The following RAPGEF4 variants were observed in gnomAD, a reference collection of about 807,000 sequenced individuals.
The protein encoded by RAPGEF4 is Rap guanine nucleotide exchange factor 4.
RAPGEF4 carries 66 observed loss-of-function variants against 147.9 expected under a neutral mutation model. The ratio of observed to expected loss-of-function variants is 0.45; its 90% confidence interval spans 0.37 to 0.55. The LOEUF (loss-of-function observed/expected upper bound fraction) is 0.55, where lower values mean the gene tolerates loss of function less well. Among genes scored for constraint, RAPGEF4 ranks in the 20% least tolerant of loss-of-function variants. The probability of loss-of-function intolerance (pLI) is 0.00; values close to 1 mark genes in which losing one functional copy is unlikely to be tolerated. For synonymous variants in RAPGEF4, 419 were observed against 442.7 expected, an observed-to-expected ratio of 0.95 and a Z score of 0.67; for missense variants, 1,071 against 1,257.3, an observed-to-expected ratio of 0.85 and a Z score of 2.24.
At chr2:172,805,866 T>C (rs1243022394) in intron 3 of RAPGEF4, among the ~76,000 whole-genome samples, 2 of 152,190 alleles carry the variant, frequency 1.3e-5, no homozygotes, top group African/African-American at 4.8e-5. Flanking sequence ...CCCACTAGAA[T>C]GAATAATACT....
intron 1 of RAPGEF4, among the ~76,000 whole-genome samples, chr2:172,738,000 A>C (rs1234386569): frequency 1.3e-5 from 2 of 152,256 alleles, no homozygotes; most frequent in Admixed American, 1.3e-4. Flanking sequence ...TTCATGCCAG[A>C]ATTAATTCCA....
intron 18 of RAPGEF4, 122 bp downstream of exon 18, chr2:173,014,736 T>C (rs1695351188): frequency 2.1e-6 from 2 of 953,796 alleles, no homozygotes; most frequent in East Asian, 6.1e-5. Context: ...GTGAACACAT[T>C]CATTCATCAG....
At chr2:173,040,955 G>T (rs2106039938) in intron 29 of RAPGEF4, among the ~76,000 whole-genome samples, 1 of 152,218 alleles carries the variant, frequency 6.6e-6, no homozygotes, top group Admixed American at 6.5e-5. Flanking sequence ...ACTATCCCAG[G>T]CTGCATAAAG....
intron 6 of RAPGEF4, among the ~76,000 whole-genome samples, chr2:172,946,809 A>G (rs1001300259): frequency 6.6e-6 from 1 of 152,216 alleles, no homozygotes; most frequent in Non-Finnish European, 1.5e-5. Flanking sequence ...GCCAGCCAAC[A>G]GAGGAGGCAT....
At chr2:172,941,343 G>A (rs960739608) in intron 6 of RAPGEF4, among the ~76,000 whole-genome samples, 1 of 152,034 alleles carries the variant, frequency 6.6e-6, no homozygotes, top group Non-Finnish European at 1.5e-5. Context: ...TGTAATGGTG[G>A]CAAAATAGTC....
intron 20 of RAPGEF4, 98 bp downstream of exon 20, chr2:173,017,302 T>C: frequency 6.7e-7 from 1 of 1,498,168 alleles, no homozygotes; most frequent in Admixed American, 1.7e-5. Context: ...ATTTCTTTTT[T>C]GTAGACGTGA....
chr2:172,914,096 A>G (rs1683761258), intron 4 of RAPGEF4, among the ~76,000 whole-genome samples: 2 of 152,196 alleles, frequency 1.3e-5, no homozygotes. Flanking sequence ...TCATGGCGTC[A>G]TACTATTCCA....
rs547555425 is a variant in RAPGEF4 at position 172,983,817 on chromosome 2, C to T, written c.1089+237C>T. On this transcript the variant is annotated intron_variant, in intron 11 of 30. Coordinates refer to ENST00000397081, the MANE Select transcript of RAPGEF4 (RefSeq NM_007023.4). ...TGTGCCCTAAACCCCAGAGCAGCCCCATGTGAGTAGGGTTGGAACATGGGC... is the reference window on the plus strand; with the variant it reads ...TGTGCCCTAAACCCCAGAGCAGCCCTATGTGAGTAGGGTTGGAACATGGGC... Among the ~76,000 whole-genome samples the T allele has an allele frequency of 2.0e-5, 3 of 152,300 alleles. No homozygotes were observed. The South Asian group carries it at 6.2e-4, about 32-fold the overall frequency.
chr2:172,785,404 AATG>A (rs1175790730), intron 1 of RAPGEF4, among the ~76,000 whole-genome samples: 3 of 152,202 alleles, frequency 2.0e-5, no homozygotes, highest in African/African-American at 7.2e-5. Context: ...GGTGGCTAAT[AATG>A]ATGATGACGA....
chr2:172,822,090 T>C lies in RAPGEF4; in HGVS notation c.444+7665T>C, dbSNP rs1057310523. 82 of 1,339,646 alleles carry C rather than the reference T, an allele frequency of 6.1e-5. No homozygotes were observed. In the Admixed American group the frequency reaches 1.5e-3, roughly 24 times the overall value. The allele number at this position is 1,339,646 out of a possible 1,614,324, so 83.0% of individuals were successfully genotyped here. ...AAAACATCTCTGGCTTTTCTAATTA[T>C]GTTCCACCAGACCCAAATATGTACC... On this transcript the variant is annotated intron_variant, in intron 4 of 30. Transcript: ENST00000397081.
At chr2:172,905,940 C>A (rs1699582263) in intron 4 of RAPGEF4, among the ~76,000 whole-genome samples, 1 of 152,200 alleles carries the variant, frequency 6.6e-6, no homozygotes, top group Non-Finnish European at 1.5e-5. Context: ...GTGGGAAAGG[C>A]AGTGCATGTG....
At chr2:172,855,452 T>A (rs1326946693) in intron 4 of RAPGEF4, among the ~76,000 whole-genome samples, 1 of 152,178 alleles carries the variant, frequency 6.6e-6, no homozygotes, top group African/African-American at 2.4e-5. Context: ...GTAATATTTT[T>A]AAGTAATATT....
intron 6 of RAPGEF4, among the ~76,000 whole-genome samples, chr2:172,925,169 C>T (rs1559124054): frequency 6.6e-6 from 1 of 152,172 alleles, no homozygotes; most frequent in Admixed American, 6.5e-5. Context: ...TTAGTAGAGA[C>T]AGGGTTTCAT....
Position 173,011,902 on chromosome 2 carries a change from T to C in RAPGEF4, c.1659-2562T>C, listed in dbSNP as rs1205541662. On this transcript the variant is annotated intron_variant, in intron 17 of 30. Coordinates refer to ENST00000397081, the MANE Select transcript of RAPGEF4 (RefSeq NM_007023.4). ...CCTTAATTGTCCTATCTTGGGGTTA[T>C]TTTTCTAAATTGAGGCTAAGTGTTC... is the stretch of plus-strand genomic sequence containing the variant. Among the ~76,000 whole-genome samples the C allele has an allele frequency of 2.6e-5, 4 of 152,038 alleles. No homozygotes were observed. In the South Asian group the frequency reaches 6.2e-4, roughly 24 times the overall value.
intron 4 of RAPGEF4, among the ~76,000 whole-genome samples, chr2:172,905,350 A>T (rs1383822597): frequency 6.6e-6 from 1 of 152,236 alleles, no homozygotes; most frequent in Non-Finnish European, 1.5e-5. Flanking sequence ...CCCAGCAGGC[A>T]TGCAGTCAAT....
chr2:172,910,565 C>T (rs2553012), intron 4 of RAPGEF4, among the ~76,000 whole-genome samples: 147,461 of 152,342 alleles, frequency 0.97, 71,538 homozygotes, highest in East Asian at 1. Context: ...GGATGCCTTG[C>T]CCGTGCTCCA....
At position 173,026,572 on chromosome 2, in the gene RAPGEF4, A is replaced by T. The variant is rs774875900; in HGVS notation, c.2254A>T (p.Thr752Ser). The T allele has an allele frequency of 1.2e-6, 2 of 1,611,686 alleles. No homozygotes were observed. The highest frequency in any genetic ancestry group is 3.4e-5 in the Admixed American group (2 of 59,618). Residue 752 changes from threonine to serine, a missense_variant and splice_region_variant, in exon 24 of 31, where the codon ACT (threonine) becomes TCT (serine). Coordinates refer to ENST00000397081, the MANE Select transcript of RAPGEF4 (RefSeq NM_007023.4). ...ACPREQFDSL[T>S]PLPEQEGPTV... ...TATGTTTTTGCATTATTATTCATAG[A>T]CTCCCTTACCAGAACAGGAAGGCCC... is the stretch of plus-strand genomic sequence containing the variant.
At chr2:172,961,331 T>G in intron 8 of RAPGEF4, 103 bp downstream of exon 8, 1 of 869,674 alleles carries the variant, frequency 1.1e-6, no homozygotes. Flanking sequence ...GCAGCCCATT[T>G]TGTAATGCCT....
intron 17 of RAPGEF4, among the ~76,000 whole-genome samples, chr2:173,008,061 C>A (rs1011574434): frequency 7.7e-5 from 6 of 77,968 alleles, no homozygotes; most frequent in South Asian, 3.7e-4. Flanking sequence ...GTGATTAGAT[C>A]GGGTGTGGCC....
Sources: gnomAD v4.1 joint callset for allele counts (sites outside exome capture counted in the v4.1 genomes callset) on GRCh38, gnomAD v4.1.1 for gene constraint, MANE v1.5 for transcripts, NCBI Gene and HGNC (gene_info 2026-07-23, HGNC 2026-07-21) for gene names.